LINGO2: variants seen among roughly 807,000 people sequenced by gnomAD.
LINGO2 encodes leucine rich repeat and Ig domain containing 2.
A neutral mutation model predicts 30.6 loss-of-function variants in LINGO2; 14 were observed. The ratio of observed to expected loss-of-function variants is 0.46; its 90% CI spans 0.30 to 0.72. LINGO2 has a LOEUF of 0.72. Ranked by LOEUF, LINGO2 falls within the 30% of genes least tolerant of loss-of-function variation. The probability of loss-of-function intolerance (pLI) is 0.07; values close to 1 mark genes in which losing one functional copy is unlikely to be tolerated. For synonymous variants in LINGO2, 317 were observed against 288.5 expected (o/e 1.10, Z -1.00); for missense variants, 729 against 751.7 (o/e 0.97, Z 0.35).
the LINGO2 span, among the ~76,000 whole-genome samples, chr9:29,127,019 T>C: frequency 0.038 from 5,770 of 151,966 alleles, 183 homozygotes; most frequent in Admixed American, 0.076. Context: ...TGCATAGAGG[T>C]GTATTTTTGT....
At chr9:28,453,653 A>T (rs1824734128) in intron 2 of LINGO2, among the ~76,000 whole-genome samples, 2 of 151,982 alleles carry the variant, frequency 1.3e-5, no homozygotes, top group South Asian at 4.1e-4. Flanking sequence ...GGTCTAATTC[A>T]GATTTATAGA....
intron 1 of LINGO2, among the ~76,000 whole-genome samples, chr9:28,589,931 G>T (rs1009580677): frequency 1.3e-5 from 2 of 152,082 alleles, no homozygotes; most frequent in African/African-American, 2.4e-5. Context: ...AACCAAAACA[G>T]CATGGAACTG....
intron 4 of LINGO2, among the ~76,000 whole-genome samples, chr9:28,146,762 G>A (rs4590529): frequency 4.6e-5 from 7 of 152,146 alleles, no homozygotes; most frequent in Non-Finnish European, 8.8e-5. Context: ...ATAGTTGACC[G>A]AGCTGTCATG....
chr9:28,964,785 T>C, the LINGO2 span, among the ~76,000 whole-genome samples: 1 of 151,962 alleles, frequency 6.6e-6, no homozygotes. Flanking sequence ...TCCCTAGGCT[T>C]AGTAGTTTAG....
the LINGO2 span, among the ~76,000 whole-genome samples, chr9:29,200,763 A>G: frequency 6.6e-6 from 1 of 152,102 alleles, no homozygotes; most frequent in Non-Finnish European, 1.5e-5. Flanking sequence ...GCAGGATCCC[A>G]TACAGGATAC....
the LINGO2 span, among the ~76,000 whole-genome samples, chr9:28,777,992 A>G: frequency 6.6e-6 from 1 of 152,188 alleles, no homozygotes; most frequent in Non-Finnish European, 1.5e-5. Context: ...GGGTACCATG[A>G]GGACCCTTCT....
chr9:28,192,001 C>T (rs913215628), intron 4 of LINGO2, among the ~76,000 whole-genome samples: 1 of 152,036 alleles, frequency 6.6e-6, no homozygotes, highest in Non-Finnish European at 1.5e-5. Context: ...TCCTTGGCCT[C>T]TCCACTTGAA....
At chr9:28,903,709 C>A in the LINGO2 span, among the ~76,000 whole-genome samples, 2 of 152,054 alleles carry the variant, frequency 1.3e-5, no homozygotes, top group African/African-American at 4.8e-5. Flanking sequence ...AACTGTTAGG[C>A]TCAAGCTATC....
chr9:28,876,867 A>G, the LINGO2 span, among the ~76,000 whole-genome samples: 1 of 152,060 alleles, frequency 6.6e-6, no homozygotes, highest in African/African-American at 2.4e-5. Context: ...AGTCCCACCA[A>G]CAGTGTAAAA....
chr9:28,500,200 G>C (rs1819829596), intron 1 of LINGO2, among the ~76,000 whole-genome samples: 1 of 152,140 alleles, frequency 6.6e-6, no homozygotes, highest in Admixed American at 6.5e-5. Flanking sequence ...GGATTAAAGA[G>C]GCAGAGCTGT....
the LINGO2 span, among the ~76,000 whole-genome samples, chr9:29,076,703 G>C: frequency 6.6e-6 from 1 of 150,944 alleles, no homozygotes; most frequent in South Asian, 2.1e-4. Flanking sequence ...GTAAGGGACA[G>C]GGTTAGGATT....
intron 4 of LINGO2, among the ~76,000 whole-genome samples, chr9:28,092,092 T>C (rs1465206804): frequency 6.6e-6 from 1 of 152,120 alleles, no homozygotes; most frequent in Non-Finnish European, 1.5e-5. Context: ...TTTTACACCG[T>C]TGGTGGGACT....
At chr9:28,261,590 A>G (rs1464286789) in intron 4 of LINGO2, among the ~76,000 whole-genome samples, 4 of 151,920 alleles carry the variant, frequency 2.6e-5, no homozygotes, top group Non-Finnish European at 2.9e-5. Flanking sequence ...AAACTTTAAA[A>G]TGAAACTAAA....
chr9:28,904,634 T>C, the LINGO2 span, among the ~76,000 whole-genome samples: 2 of 151,820 alleles, frequency 1.3e-5, no homozygotes, highest in African/African-American at 4.8e-5. Context: ...TAAAAATAAA[T>C]TTAACTGAGT....
chr9:28,594,409 T>G (rs1030698268), intron 1 of LINGO2, among the ~76,000 whole-genome samples: 3 of 152,200 alleles, frequency 2.0e-5, no homozygotes, highest in Non-Finnish European at 4.4e-5. Flanking sequence ...CACATTTGGT[T>G]TAGAGATTCT....
chr9:28,375,828 G>T (rs1821108784), intron 2 of LINGO2, among the ~76,000 whole-genome samples: 1 of 152,144 alleles, frequency 6.6e-6, no homozygotes, highest in South Asian at 2.1e-4. Flanking sequence ...TTGGTTTTCA[G>T]AGGGAGGTTG....
chr9:28,438,449 C>A (rs973337660), intron 2 of LINGO2, among the ~76,000 whole-genome samples: 1 of 152,142 alleles, frequency 6.6e-6, no homozygotes, highest in Admixed American at 6.5e-5. Context: ...ATTCTTGGGT[C>A]TTCAGGTTGT....
At chr9:28,206,507 C>T (rs1355809690) in intron 4 of LINGO2, among the ~76,000 whole-genome samples, 1 of 152,094 alleles carries the variant, frequency 6.6e-6, no homozygotes, top group Non-Finnish European at 1.5e-5. Flanking sequence ...CACAGGGAAG[C>T]TAAAGGCAGT....
the LINGO2 span, among the ~76,000 whole-genome samples, chr9:28,990,572 C>A: frequency 6.6e-6 from 1 of 152,324 alleles, no homozygotes; most frequent in South Asian, 2.1e-4. Flanking sequence ...TCCCTGACCC[C>A]TGACCCCTGA....
Sources: allele counts gnomAD v4.1 joint callset (sites outside exome capture counted in the v4.1 genomes callset), GRCh38; gene constraint gnomAD v4.1.1; transcripts MANE v1.5; gene names NCBI Gene and HGNC (gene_info 2026-07-23, HGNC 2026-07-21).